The following CTNNA2 variants were observed in gnomAD, a reference collection of about 807,000 sequenced individuals.
CTNNA2 encodes catenin alpha-2.
Under a neutral mutation model 101.0 loss-of-function variants are expected in CTNNA2, and 42 were observed. The ratio of observed to expected loss-of-function variants is 0.42; its 90% CI spans 0.32 to 0.54. The LOEUF is 0.54. CTNNA2 is among the 20% of genes least tolerant of loss of function. The pLI is 0.14. For missense variants in CTNNA2, 871 were observed against 1,223.1 expected (o/e 0.71, Z 4.29); for synonymous variants, 450 against 456.4 (o/e 0.99, Z 0.18).
At chr2:80,230,963 T>G (rs777238674) in intron 7 of CTNNA2, among the ~76,000 whole-genome samples, 1 of 151,600 alleles carries the variant, frequency 6.6e-6, no homozygotes, top group Admixed American at 6.6e-5. Context: ...CTGGTGTTTG[T>G]TTTGTTTTGT....
intron 7 of CTNNA2, among the ~76,000 whole-genome samples, chr2:80,150,210 G>A (rs577933337): frequency 2.6e-5 from 4 of 152,282 alleles, no homozygotes; most frequent in Non-Finnish European, 2.9e-5. Flanking sequence ...TTTGCCATCT[G>A]TGAGCCCAGA....
At chr2:80,415,633 T>C (rs1679969854) in intron 8 of CTNNA2, among the ~76,000 whole-genome samples, 1 of 152,112 alleles carries the variant, frequency 6.6e-6, no homozygotes, top group Admixed American at 6.5e-5. Flanking sequence ...AGTACAATCA[T>C]AGAAAACAGT....
intron 9 of CTNNA2, among the ~76,000 whole-genome samples, chr2:80,455,499 G>T (rs1035830556): frequency 5.9e-5 from 9 of 152,182 alleles, no homozygotes; most frequent in Non-Finnish European, 7.3e-5. Context: ...TGACATTAGG[G>T]TCTCCACGGC....
intron 9 of CTNNA2, among the ~76,000 whole-genome samples, chr2:80,458,316 T>TAATC (rs1684153699): frequency 6.6e-6 from 1 of 152,236 alleles, no homozygotes; most frequent in African/African-American, 2.4e-5. Context: ...TATTGTGTAT[T>TAATC]AATCAGATGT....
At chr2:79,474,618 A>T (rs932846564) in intron 4 of CTNNA2, among the ~76,000 whole-genome samples, 1 of 152,224 alleles carries the variant, frequency 6.6e-6, no homozygotes, top group African/African-American at 2.4e-5. Context: ...GAGTTATAAA[A>T]TAGAGTAATC....
intron 7 of CTNNA2, among the ~76,000 whole-genome samples, chr2:79,947,092 G>A (rs1204667648): frequency 6.6e-6 from 1 of 152,188 alleles, no homozygotes; most frequent in Admixed American, 6.5e-5. Flanking sequence ...TAAAAGTACT[G>A]CCTTGTTACA....
chr2:79,533,240 C>A (rs141320575), intron 1 of CTNNA2, among the ~76,000 whole-genome samples: 2 of 152,100 alleles, frequency 1.3e-5, no homozygotes, highest in African/African-American at 2.4e-5. Context: ...GGCTCCATAC[C>A]CGCTACATAA....
intron 3 of CTNNA2, among the ~76,000 whole-genome samples, chr2:79,333,897 A>T (rs969597845): frequency 6.6e-6 from 1 of 152,098 alleles, no homozygotes; most frequent in African/African-American, 2.4e-5. Flanking sequence ...AGCATTTTTT[A>T]TATACCTGTT....
Position 80,183,853 on chromosome 2 carries a change from G to A in CTNNA2, c.1057-209358G>A, listed in dbSNP as rs150833474. Among the ~76,000 whole-genome samples the A allele has an allele frequency of 9.3e-5, 14 of 150,198 alleles. No homozygotes were observed. In the East Asian group the frequency reaches 2.1e-3, roughly 23 times the overall value. On this transcript the variant is annotated intron_variant, in intron 7 of 18. Transcript: ENST00000402739. ...CATGTTTGTTTTCGATTAACCTCGC[G>A]ATTAAACGTAAGAAGAAGTGTGTGC...
Position 80,524,038 on chromosome 2 carries a change from C to T in CTNNA2, c.1291-20944C>T, listed in dbSNP as rs147628731. On this transcript the variant is annotated intron_variant, in intron 9 of 18. Coordinates refer to ENST00000402739, the MANE Select transcript of CTNNA2 (RefSeq NM_001282597.3). ...GGCGCTGAGGAGTTGTCATACCTGC[C>T]TGTGTAGTCCTGACAAAAGCATAGC... Among the ~76,000 whole-genome samples the T allele has an allele frequency of 8.3e-3, 1,270 of 152,204 alleles. 24 individuals carry two copies. The highest frequency in any genetic ancestry group is 0.029 in the African/African-American group (1,207 of 41,542).
intron 7 of CTNNA2, among the ~76,000 whole-genome samples, chr2:79,967,759 A>G (rs912931059): frequency 6.6e-6 from 1 of 152,224 alleles, no homozygotes; most frequent in African/African-American, 2.4e-5. Flanking sequence ...TCAAACAAAT[A>G]CAGGTACACA....
At chr2:79,281,077 A>T (rs1158733764) in intron 2 of CTNNA2, among the ~76,000 whole-genome samples, 1 of 151,920 alleles carries the variant, frequency 6.6e-6, no homozygotes, top group East Asian at 1.9e-4. Context: ...TCACCAGCTA[A>T]AGCATCATTA....
chr2:79,614,173 A>G (rs1678471300), intron 1 of CTNNA2, among the ~76,000 whole-genome samples: 1 of 152,188 alleles, frequency 6.6e-6, no homozygotes, highest in Admixed American at 6.5e-5. Context: ...AATGAACTCA[A>G]CATTAAAAGC....
intron 7 of CTNNA2, among the ~76,000 whole-genome samples, chr2:80,113,791 G>T (rs1701357417): frequency 6.6e-6 from 1 of 152,146 alleles, no homozygotes; most frequent in Admixed American, 6.5e-5. Context: ...TCATAAATAT[G>T]CAAGTACTAT....
At chr2:80,429,401 C>A (rs766574693) in intron 9 of CTNNA2, among the ~76,000 whole-genome samples, 46 of 152,096 alleles carry the variant, frequency 3.0e-4, no homozygotes, top group Admixed American at 6.6e-4. Flanking sequence ...TAGAAAGAGG[C>A]AGAATCCATG....
chr2:80,240,490 C>T (rs1670842080), intron 7 of CTNNA2, among the ~76,000 whole-genome samples: 1 of 152,180 alleles, frequency 6.6e-6, no homozygotes, highest in Admixed American at 6.5e-5. Context: ...AGATTACTTG[C>T]TCAAATTATC....
At chr2:80,578,397 G>A (rs17019386) in intron 13 of CTNNA2, among the ~76,000 whole-genome samples, 16,284 of 152,122 alleles carry the variant, frequency 0.11, 1,924 homozygotes, top group African/African-American at 0.29. Context: ...ACTATCTAAT[G>A]ATAGAAGCGT....
chr2:79,198,649 C>T (rs1233596768), intron 2 of CTNNA2, among the ~76,000 whole-genome samples: 1 of 152,162 alleles, frequency 6.6e-6, no homozygotes, highest in East Asian at 1.9e-4. Flanking sequence ...TACCATATAG[C>T]TCTTTTGCTT....
intron 7 of CTNNA2, among the ~76,000 whole-genome samples, chr2:79,982,386 C>CAT (rs997915727): frequency 8.2e-4 from 107 of 130,954 alleles, no homozygotes; most frequent in Middle Eastern, 3.8e-3. Context: ...ACATATATAA[C>CAT]ATATATAACA....
Sources: allele counts gnomAD v4.1 joint callset (sites outside exome capture counted in the v4.1 genomes callset), GRCh38; gene constraint gnomAD v4.1.1; transcripts MANE v1.5; gene names NCBI Gene and HGNC (gene_info 2026-07-23, HGNC 2026-07-21).